The following ZBTB20 variants were observed in gnomAD, a reference collection of about 807,000 sequenced individuals.
ZBTB20 encodes the protein zinc finger and BTB domain containing 20, also known as zinc finger and BTB domain-containing protein 20.
A neutral mutation model predicts 56.9 loss-of-function variants in ZBTB20; 9 were observed. The ratio of observed to expected loss-of-function variants is 0.16; its 90% CI spans 0.10 to 0.28. ZBTB20 has a LOEUF of 0.28. Among genes scored for constraint, ZBTB20 ranks in the 10% least tolerant of loss-of-function variants. The pLI, the probability that ZBTB20 is intolerant of heterozygous loss-of-function variation, is 1.00. For synonymous variants in ZBTB20, 417 were observed against 420.7 expected, an observed-to-expected ratio of 0.99 and a Z score of 0.11; for missense variants, 655 against 1,003.0, an observed-to-expected ratio of 0.65 and a Z score of 4.69.
chr3:114,712,950 G>A (rs575675024), intron 5 of ZBTB20, among the ~76,000 whole-genome samples: 82 of 152,054 alleles, frequency 5.4e-4, no homozygotes, highest in Non-Finnish European at 1.1e-3. Context: ...CCTAATAATG[G>A]TATAACCTGC....
intron 6 of ZBTB20, among the ~76,000 whole-genome samples, chr3:114,685,951 A>T (rs1029151716): frequency 6.6e-6 from 1 of 152,172 alleles, no homozygotes; most frequent in Non-Finnish European, 1.5e-5. Context: ...ATATAATTTT[A>T]AAAAAATCTT....
chr3:114,673,005 C>T (rs751495175), intron 6 of ZBTB20, among the ~76,000 whole-genome samples: 16 of 152,140 alleles, frequency 1.1e-4, no homozygotes, highest in Non-Finnish European at 2.4e-4. Context: ...GATTTCCATA[C>T]ACACAGAAGT....
At chr3:114,874,790 C>T (rs1419350570) in intron 4 of ZBTB20, among the ~76,000 whole-genome samples, 5 of 152,138 alleles carry the variant, frequency 3.3e-5, no homozygotes, top group Admixed American at 6.5e-5. Flanking sequence ...CTTTACTGTC[C>T]TCCCAGGAAT....
chr3:114,840,797 G>C (rs2074353416), intron 4 of ZBTB20, among the ~76,000 whole-genome samples: 1 of 152,146 alleles, frequency 6.6e-6, no homozygotes, highest in South Asian at 2.1e-4. Flanking sequence ...GAATCATGCA[G>C]TTTAGGTATC....
At chr3:114,976,236 T>C (rs1160996727) in intron 2 of ZBTB20, among the ~76,000 whole-genome samples, 1 of 152,208 alleles carries the variant, frequency 6.6e-6, no homozygotes, top group Non-Finnish European at 1.5e-5. Flanking sequence ...TTACCTGGCC[T>C]GATATTTTAG....
At chr3:115,106,851 G>A (rs995681825) in intron 1 of ZBTB20, among the ~76,000 whole-genome samples, 2 of 152,014 alleles carry the variant, frequency 1.3e-5, no homozygotes, top group African/African-American at 4.8e-5. Flanking sequence ...AGCTTTGTTG[G>A]TCTAGCATCT....
rs1025006849 is a variant in ZBTB20 at position 114,336,608 on chromosome 3, A to G, written c.*2397T>C. 1.3e-5 allele frequency: 2 copies of G among 152,204 alleles called. No individual in the cohort carries two copies. The allele number at this position is 152,204 out of a possible 1,614,324, so 9.4% of individuals were successfully genotyped here. On this transcript the variant is annotated 3_prime_UTR_variant, in exon 12 of 12. Transcript: ENST00000675478. ...TTCAGTTACACTAACCTTACAAAGC[A>G]TCACAAAGAACTTATGAAAAAGATC... is the stretch of plus-strand genomic sequence containing the variant.
intron 6 of ZBTB20, among the ~76,000 whole-genome samples, chr3:114,672,229 G>C (rs1015327834): frequency 1.3e-5 from 2 of 151,914 alleles, no homozygotes; most frequent in Non-Finnish European, 2.9e-5. Context: ...AATGGAGTAA[G>C]AATGCTTCAA....
chr3:114,732,269 T>C (rs747549047), intron 5 of ZBTB20, among the ~76,000 whole-genome samples: 36 of 152,194 alleles, frequency 2.4e-4, no homozygotes, highest in Non-Finnish European at 2.8e-4. Context: ...GACTATCTCA[T>C]TGACAAATCC....
chr3:115,057,449 A>G (rs1342813138), intron 2 of ZBTB20, among the ~76,000 whole-genome samples: 1 of 152,108 alleles, frequency 6.6e-6, no homozygotes, highest in African/African-American at 2.4e-5. Context: ...TATAATATCA[A>G]ACCATTTCAA....
At chr3:114,396,131 G>A (rs547074604) in intron 7 of ZBTB20, among the ~76,000 whole-genome samples, 2 of 152,128 alleles carry the variant, frequency 1.3e-5, no homozygotes, top group African/African-American at 2.4e-5. Context: ...CCTGCCACAG[G>A]TCATGTTAAT....
At chr3:114,864,943 C>T (rs2075701310) in intron 4 of ZBTB20, among the ~76,000 whole-genome samples, 1 of 152,022 alleles carries the variant, frequency 6.6e-6, no homozygotes, top group Non-Finnish European at 1.5e-5. Context: ...ATTTTAACCT[C>T]AAATAAAATT....
At chr3:114,457,691 C>T (rs2092102517) in intron 7 of ZBTB20, among the ~76,000 whole-genome samples, 1 of 152,078 alleles carries the variant, frequency 6.6e-6, no homozygotes, top group South Asian at 2.1e-4. Flanking sequence ...TAAAATCATA[C>T]TTTAGCATCA....
chr3:114,953,655 T>C (rs1327344464), intron 3 of ZBTB20, among the ~76,000 whole-genome samples: 1 of 151,980 alleles, frequency 6.6e-6, no homozygotes, highest in African/African-American at 2.4e-5. Flanking sequence ...TAGCCAGTAA[T>C]ATATAATAAG....
chr3:114,566,578 G>A (rs1213643280), intron 6 of ZBTB20, among the ~76,000 whole-genome samples: 1 of 152,168 alleles, frequency 6.6e-6, no homozygotes, highest in Admixed American at 6.5e-5. Context: ...AGCACAAGTT[G>A]AAAGCTATTT....
At chr3:115,126,063 A>C (rs1190539930) in intron 1 of ZBTB20, among the ~76,000 whole-genome samples, 1 of 152,188 alleles carries the variant, frequency 6.6e-6, no homozygotes, top group East Asian at 1.9e-4. Flanking sequence ...ACCATTTCAC[A>C]GAAGGAAAAG....
At chr3:114,522,392 T>C (rs1419639515) in intron 6 of ZBTB20, among the ~76,000 whole-genome samples, 6 of 151,836 alleles carry the variant, frequency 4.0e-5, no homozygotes, top group South Asian at 2.1e-4. Context: ...AGAGAGGTAA[T>C]GGGGAAATTG....
At chr3:114,590,468 A>G (rs534086040) in intron 6 of ZBTB20, among the ~76,000 whole-genome samples, 17 of 149,634 alleles carry the variant, frequency 1.1e-4, no homozygotes, top group Middle Eastern at 3.5e-3. Context: ...CAAAAAATAA[A>G]AATAAATAAA....
chr3:114,484,846 TGCAC>T (rs1393524153), intron 7 of ZBTB20, among the ~76,000 whole-genome samples: 4 of 151,780 alleles, frequency 2.6e-5, no homozygotes, highest in African/African-American at 9.7e-5. Context: ...TGTGCGTGAG[TGCAC>T]GCACGCACGT....
Sources: gnomAD v4.1 joint callset for allele counts (sites outside exome capture counted in the v4.1 genomes callset) on GRCh38, gnomAD v4.1.1 for gene constraint, MANE v1.5 for transcripts, NCBI Gene and HGNC (gene_info 2026-07-23, HGNC 2026-07-21) for gene names.